Variants in GLRA3 observed in about 807,000 individuals in gnomAD.
GLRA3 encodes the protein glycine receptor subunit alpha-3.
GLRA3 carries 44 observed loss-of-function variants against 60.4 expected under a neutral mutation model. That is an observed-to-expected ratio of 0.73 (90% CI 0.57 to 0.94). The LOEUF is 0.94. Ranked by LOEUF, GLRA3 falls within the 40% of genes least tolerant of loss-of-function variation. The pLI is 0.00. For missense variants in GLRA3, 508 were observed against 564.6 expected (o/e 0.90, Z 1.02); for synonymous variants, 223 against 192.9 (o/e 1.16, Z -1.29).
intron 3 of GLRA3, among the ~76,000 whole-genome samples, chr4:174,739,435 G>C (rs979494948): frequency 2.0e-5 from 3 of 151,944 alleles, no homozygotes; most frequent in African/African-American, 4.8e-5. Context: ...CTTTTTTGTG[G>C]GCTCTGGGTA....
Position 174,751,050 on chromosome 4 carries a change from CCTGTCTGT to C in GLRA3, c.267+15905_267+15912del, listed in dbSNP as rs3059134. Among the ~76,000 whole-genome samples, 385 of 147,778 alleles carry C rather than the reference CCTGTCTGT, an allele frequency of 2.6e-3. 2 individuals carry two copies. The highest frequency in any genetic ancestry group is 0.012 in the South Asian group (54 of 4,564). ...TCAGCTAACCCAGAAAAAAGAGAAG[CCTGTCTGT>C]CTGTCTATCTATCTATCTATCTATC... On this transcript the variant is annotated intron_variant, in intron 3 of 9. Coordinates refer to ENST00000274093, the MANE Select transcript of GLRA3 (RefSeq NM_006529.4).
chr4:174,650,838 C>T lies in GLRA3; in HGVS notation c.1116+5905G>A, dbSNP rs11934522. Among the ~76,000 whole-genome samples, 29 of 152,152 alleles carry T rather than the reference C, an allele frequency of 1.9e-4. 1 individual carries two copies. In the East Asian group the frequency reaches 2.1e-3, roughly 11 times the overall value. On this transcript the variant is annotated intron_variant, in intron 9 of 9. Coordinates refer to ENST00000274093, the MANE Select transcript of GLRA3 (RefSeq NM_006529.4). Reference sequence around the variant, plus strand: ...CTCTTTCAACAGAGGCAAAACAGACCATCTAGTTTACCAGTGGAAAGTCCC... The same window carrying T: ...CTCTTTCAACAGAGGCAAAACAGACTATCTAGTTTACCAGTGGAAAGTCCC...
rs189979216 is a variant in GLRA3 at position 174,778,201 on chromosome 4, C to T, written c.199+10615G>A. 2.4e-3 allele frequency among the ~76,000 whole-genome samples: 359 copies of T among 152,264 alleles called. 2 individuals are homozygous for T. The highest frequency in any genetic ancestry group is 3.9e-3 in the Non-Finnish European group (266 of 68,022). On this transcript the variant is annotated intron_variant, in intron 2 of 9. Coordinates refer to ENST00000274093, the MANE Select transcript of GLRA3 (RefSeq NM_006529.4). ...CGCCTGGGGATGTGGTGCTTTCTCTCACTGGGCCGGTTCTGTTTCTGCTCT... is the reference window on the plus strand; with the variant it reads ...CGCCTGGGGATGTGGTGCTTTCTCTTACTGGGCCGGTTCTGTTTCTGCTCT...
intron 9 of GLRA3, among the ~76,000 whole-genome samples, chr4:174,654,339 G>T (rs1733121304): frequency 7.4e-6 from 1 of 135,068 alleles, no homozygotes; most frequent in Non-Finnish European, 1.5e-5. Flanking sequence ...TTTAAAGTAA[G>T]ACAGCATATA....
chr4:174,812,060 A>C (rs1174203488), intron 1 of GLRA3, among the ~76,000 whole-genome samples: 1 of 152,198 alleles, frequency 6.6e-6, no homozygotes, highest in Non-Finnish European at 1.5e-5. Context: ...TATTATCAGA[A>C]AAATACTACA....
At chr4:174,778,810 T>C (rs12506302) in intron 2 of GLRA3, among the ~76,000 whole-genome samples, 22,226 of 152,142 alleles carry the variant, frequency 0.15, 2,259 homozygotes, top group East Asian at 0.48. Context: ...GCACCTGGCT[T>C]GGAGGGTCCT....
Position 174,728,477 on chromosome 4 carries a change from T to A in GLRA3, c.489A>T (p.Ile163=). Residue 163 remains isoleucine, a splice_region_variant and synonymous_variant, in exon 4 of 10, where the codon ATA becomes ATT. Coordinates refer to ENST00000274093, the MANE Select transcript of GLRA3 (RefSeq NM_006529.4). ...IFKNGNVLYS[I]RLTLTLSCPM... ...GGCAATTTAAGTCCACGACTCACCT[T>A]ATTGAATAAAGAACATTTCCATTTT... 2.0e-6 allele frequency: 3 copies of A among 1,529,726 alleles called. No homozygotes were observed. In the South Asian group the frequency reaches 3.4e-5, roughly 17 times the overall value. The allele number at this position is 1,529,726 out of a possible 1,614,324, so 94.8% of individuals were successfully genotyped here. A position where few individuals can be genotyped will look rare whatever the true frequency, so the allele number is the denominator to read the frequency against.
intron 1 of GLRA3, among the ~76,000 whole-genome samples, 173 bp downstream of exon 1, chr4:174,828,568 G>T (rs747565659): frequency 4.6e-5 from 7 of 152,138 alleles, no homozygotes; most frequent in Non-Finnish European, 1.0e-4. Context: ...AAATGAGTAG[G>T]TCTCAGTAGA....
intron 5 of GLRA3, among the ~76,000 whole-genome samples, chr4:174,706,502 A>G (rs1735527098): frequency 6.6e-6 from 1 of 152,212 alleles, no homozygotes; most frequent in African/African-American, 2.4e-5. Flanking sequence ...TAAGCCAAAC[A>G]CAACATTGAA....
rs879369094 is a variant in GLRA3, at chr4:174,676,626, G to A, written c.927+452C>T. Among the ~76,000 whole-genome samples the A allele has an allele frequency of 5.3e-5, 8 of 151,872 alleles. No individual in the cohort carries two copies. The South Asian group carries it at 8.3e-4, about 16-fold the overall frequency. The stretch of plus-strand genomic sequence containing the variant: ...ATATGTGTGATATGTATAGACACAG[G>A]CACACACACATATACATATATATTC... On this transcript the variant is annotated intron_variant, in intron 7 of 9. Coordinates refer to ENST00000274093, the MANE Select transcript of GLRA3 (RefSeq NM_006529.4).
At chr4:174,663,692 G>A (rs925893377) in intron 7 of GLRA3, among the ~76,000 whole-genome samples, 5 of 152,130 alleles carry the variant, frequency 3.3e-5, no homozygotes, top group Non-Finnish European at 7.3e-5. Context: ...GCAAACACAG[G>A]ACGTGGGAAG....
At chr4:174,795,293 T>C (rs1486174653) in intron 1 of GLRA3, among the ~76,000 whole-genome samples, 1 of 152,050 alleles carries the variant, frequency 6.6e-6, no homozygotes, top group Non-Finnish European at 1.5e-5. Flanking sequence ...AATTATCTGC[T>C]TTCTCTGAAA....
At chr4:174,741,997 T>C (rs1737046120) in intron 3 of GLRA3, among the ~76,000 whole-genome samples, 2 of 152,154 alleles carry the variant, frequency 1.3e-5, no homozygotes, top group Admixed American at 6.5e-5. Flanking sequence ...CACAGAATAA[T>C]TGGCATTAGC....
At chr4:174,682,969 G>C (rs760370808) in intron 5 of GLRA3, 30 bp from the exon 6 acceptor site, 15 of 1,566,464 alleles carry the variant, frequency 9.6e-6, no homozygotes, top group Non-Finnish European at 1.3e-5. Flanking sequence ...AATATGAATA[G>C]TCTAAAAAGG....
chr4:174,659,877 C>T (rs754387912), intron 7 of GLRA3, among the ~76,000 whole-genome samples: 12 of 150,446 alleles, frequency 8.0e-5, no homozygotes, highest in Non-Finnish European at 1.5e-4. Context: ...GAGGCTGAGG[C>T]AGGAGAATCG....
Position 174,788,826 on chromosome 4 carries a change from G to A in GLRA3, c.189C>T (p.Pro63=). The A allele has an allele frequency of 6.3e-7, 1 of 1,599,450 alleles. No individual in the cohort carries two copies. ...AAACAGAACAATTACCTTTAAAATT[G>A]GGTCTGATTCTTGCATCATATCCTG... ...RTSGYDARIR[P]NFKGPPVNVT... is the part of the protein sequence containing the mutation. The change falls in exon 2 of 10, where the codon CCC becomes CCT. Residue 63 remains proline, a synonymous_variant. Coordinates refer to ENST00000274093, the MANE Select transcript of GLRA3 (RefSeq NM_006529.4).
chr4:174,790,810 C>G (rs1303402133), intron 1 of GLRA3, among the ~76,000 whole-genome samples: 1 of 123,102 alleles, frequency 8.1e-6, no homozygotes, highest in Admixed American at 9.3e-5. Flanking sequence ...GAAACCGGGT[C>G]TCTACTAAAA....
intron 5 of GLRA3, among the ~76,000 whole-genome samples, chr4:174,683,355 C>CTT (rs199710009): frequency 6.8e-6 from 1 of 146,602 alleles, no homozygotes; most frequent in Non-Finnish European, 1.5e-5. Context: ...TAGAAAATGA[C>CTT]TTTTTTTTTT....
intron 3 of GLRA3, among the ~76,000 whole-genome samples, chr4:174,762,952 A>G (rs1263229979): frequency 6.6e-6 from 1 of 152,168 alleles, no homozygotes; most frequent in Non-Finnish European, 1.5e-5. Context: ...TTTTATCATC[A>G]GAATTGATTT....
Sources: gnomAD v4.1 joint callset for allele counts (sites outside exome capture counted in the v4.1 genomes callset) on GRCh38, gnomAD v4.1.1 for gene constraint, MANE v1.5 for transcripts, NCBI Gene and HGNC (gene_info 2026-07-23, HGNC 2026-07-21) for gene names.